Variants in DOCK3 observed in about 807,000 individuals in gnomAD.
DOCK3 encodes dedicator of cytokinesis protein 3.
DOCK3 carries 60 observed loss-of-function variants against 265.6 expected under a neutral mutation model. That is an observed-to-expected ratio of 0.23 (90% CI 0.18 to 0.28). The LOEUF (loss-of-function observed/expected upper bound fraction) is 0.28. Ranked by LOEUF, DOCK3 falls within the 10% of genes least tolerant of loss-of-function variation. The pLI, the probability that DOCK3 is intolerant of heterozygous loss-of-function variation, is 1.00. For synonymous variants in DOCK3, 881 were observed against 938.0 expected (o/e 0.94, Z 1.11); for missense variants, 1,981 against 2,594.3 (o/e 0.76, Z 5.14).
intron 10 of DOCK3, among the ~76,000 whole-genome samples, chr3:51,153,734 T>C (rs754232090): frequency 5.9e-5 from 9 of 152,176 alleles, no homozygotes; most frequent in Non-Finnish European, 1.0e-4. Context: ...TTAGAAAAGG[T>C]TTGGAAATCT....
chr3:50,882,940 A>C (rs2048126700), intron 3 of DOCK3, among the ~76,000 whole-genome samples: 1 of 152,218 alleles, frequency 6.6e-6, no homozygotes, highest in African/African-American at 2.4e-5. Context: ...TGCAGCCATG[A>C]AAAAGGATGA....
chr3:50,675,354 TC>T lies in DOCK3; in HGVS notation c.37+57del. The T allele has an allele frequency of 8.4e-7, 1 of 1,185,222 alleles. No individual in the cohort carries two copies. Among genetic ancestry groups the T allele is most frequent in the Non-Finnish European group, 1.1e-6 (1 of 948,140 alleles). The allele number at this position is 1,185,222 out of a possible 1,614,324, so 73.4% of individuals were successfully genotyped here. A position where few individuals can be genotyped will look rare whatever the true frequency, so the allele number is the denominator to read the frequency against. ...GGGGGTTCTGGGGGACGCGCCCAGCTCCCGGCCCCGCCTGGATTCGCATCCT... is the reference window on the plus strand; with the variant it reads ...GGGGGTTCTGGGGGACGCGCCCAGCTCCGGCCCCGCCTGGATTCGCATCCT... On this transcript the variant is annotated intron_variant, in intron 1 of 52. Transcript: ENST00000266037. This position sits in a 1 kb window ranked among gnomAD's most constrained non-coding sequence, Gnocchi z 6.1.
chr3:50,802,001 A>C (rs981796869), intron 2 of DOCK3, among the ~76,000 whole-genome samples: 3 of 152,182 alleles, frequency 2.0e-5, no homozygotes, highest in African/African-American at 4.8e-5. Context: ...GTCCAATATA[A>C]GTATAGCTAT....
At chr3:50,845,439 G>A (rs2046034244) in intron 3 of DOCK3, among the ~76,000 whole-genome samples, 2 of 152,158 alleles carry the variant, frequency 1.3e-5, no homozygotes, top group Admixed American at 1.3e-4. Flanking sequence ...TATTCTGTGA[G>A]ATAGGAACAG....
At chr3:51,248,546 C>T (rs1239543040) in intron 22 of DOCK3, among the ~76,000 whole-genome samples, 1 of 152,252 alleles carries the variant, frequency 6.6e-6, no homozygotes, top group South Asian at 2.1e-4. Flanking sequence ...CTCGCTACAA[C>T]CTCCACCTCC....
chr3:51,314,623 A>C (rs1431788362), intron 31 of DOCK3, among the ~76,000 whole-genome samples: 1 of 152,232 alleles, frequency 6.6e-6, no homozygotes, highest in East Asian at 1.9e-4. Flanking sequence ...CTTGTTAAAT[A>C]AACACTGTGA....
chr3:51,348,874 T>C lies in DOCK3; in HGVS notation c.3938T>C (p.Leu1313Pro). 6.3e-7 allele frequency: 1 copy of C among 1,584,156 alleles called. No homozygotes were observed. Among genetic ancestry groups the C allele is most frequent in the Non-Finnish European group, 8.6e-7 (1 of 1,165,010 alleles). ...KGKSWEFGIP[L>P]CRELACQYES... ...CAGAGCTGGGAGTTTGGGATCCCAC[T>C]GTGCAGGGAGCTGGCGTGTCAGTAC... Residue 1313 changes from leucine (L) to proline (P), a missense_variant, in exon 39 of 53, where the codon CTG (leucine) becomes CCG (proline). Coordinates refer to ENST00000266037, the MANE Select transcript of DOCK3 (RefSeq NM_004947.5).
At chr3:51,196,041 T>A (rs1315082301) in intron 12 of DOCK3, among the ~76,000 whole-genome samples, 1 of 151,950 alleles carries the variant, frequency 6.6e-6, no homozygotes, top group African/African-American at 2.4e-5. Flanking sequence ...GCTCAAGCAA[T>A]CTTCCTGCCT....
intron 9 of DOCK3, among the ~76,000 whole-genome samples, chr3:51,140,419 G>A (rs920624730): frequency 1.3e-5 from 2 of 152,112 alleles, no homozygotes; most frequent in Admixed American, 1.3e-4. Context: ...CAACATTTTA[G>A]TATGTGTCAG....
intron 5 of DOCK3, among the ~76,000 whole-genome samples, chr3:50,983,393 C>T (rs1222760879): frequency 6.6e-6 from 1 of 152,096 alleles, no homozygotes; most frequent in Non-Finnish European, 1.5e-5. Flanking sequence ...CTTTTCTGGG[C>T]CCACCCATGG....
chr3:50,816,033 T>G (rs1326134108), intron 2 of DOCK3, among the ~76,000 whole-genome samples: 1 of 149,504 alleles, frequency 6.7e-6, no homozygotes, highest in African/African-American at 2.5e-5. Flanking sequence ...AAAAACTGGT[T>G]TTTTTTTTTT....
intron 12 of DOCK3, among the ~76,000 whole-genome samples, chr3:51,180,598 T>C (rs1396974372): frequency 6.6e-6 from 1 of 152,166 alleles, no homozygotes; most frequent in Non-Finnish European, 1.5e-5. Context: ...TATAAGGATA[T>C]TTGTCATTGG....
chr3:51,160,945 A>G lies in DOCK3; in HGVS notation c.1037+243A>G, dbSNP rs556970358. Among the ~76,000 whole-genome samples, 8 of 152,098 alleles carry G rather than the reference A, an allele frequency of 5.3e-5. 1 individual carries two copies. The highest frequency in any genetic ancestry group is 9.6e-5 in the African/African-American group (4 of 41,514). The stretch of plus-strand genomic sequence containing the variant: ...CAAAAAATTAGCCAGGCGTGGTGGC[A>G]CGTGCCTGTAATCCCAGCTACTCAG... On this transcript the variant is annotated intron_variant, in intron 12 of 52. Coordinates refer to ENST00000266037, the MANE Select transcript of DOCK3 (RefSeq NM_004947.5).
intron 27 of DOCK3, among the ~76,000 whole-genome samples, chr3:51,291,739 C>T (rs188978457): frequency 1.2e-4 from 18 of 152,292 alleles, no homozygotes; most frequent in Admixed American, 1.2e-3. Flanking sequence ...TATTTCCAAA[C>T]TCATTTCATG....
At chr3:50,904,589 T>C (rs1339580892) in intron 4 of DOCK3, among the ~76,000 whole-genome samples, 6 of 152,240 alleles carry the variant, frequency 3.9e-5, no homozygotes, top group African/African-American at 1.4e-4. Context: ...TCATATCCTT[T>C]GCCCACTTTG....
At chr3:51,031,599 G>A (rs2080049702) in intron 5 of DOCK3, among the ~76,000 whole-genome samples, 1 of 152,158 alleles carries the variant, frequency 6.6e-6, no homozygotes, top group South Asian at 2.1e-4. Context: ...AATGTTCTTA[G>A]TTAGTATTTT....
intron 1 of DOCK3, among the ~76,000 whole-genome samples, chr3:50,763,765 C>G (rs1368940249): frequency 6.6e-6 from 1 of 151,940 alleles, no homozygotes; most frequent in Non-Finnish European, 1.5e-5. Context: ...TTTAAGTCTT[C>G]TCTCTGTTTT....
At chr3:50,750,890 T>C (rs2039756357) in intron 1 of DOCK3, among the ~76,000 whole-genome samples, 1 of 152,248 alleles carries the variant, frequency 6.6e-6, no homozygotes, top group Non-Finnish European at 1.5e-5. Flanking sequence ...AGATTTGCTC[T>C]AAGAGATCAT....
intron 3 of DOCK3, among the ~76,000 whole-genome samples, chr3:50,856,844 G>A (rs566267466): frequency 2.6e-5 from 4 of 152,176 alleles, no homozygotes; most frequent in Admixed American, 2.6e-4. Flanking sequence ...TTATTATTTT[G>A]AGGTGTGTTC....
Sources: gnomAD v4.1 joint callset for allele counts (sites outside exome capture counted in the v4.1 genomes callset) on GRCh38, gnomAD v4.1.1 for gene constraint, Gnocchi (gnomAD v3.1) non-coding constraint, MANE v1.5 for transcripts, NCBI Gene and HGNC (gene_info 2026-07-23, HGNC 2026-07-21) for gene names.